The following JAKMIP3 variants were observed in gnomAD, a reference collection of about 807,000 sequenced individuals.
The protein encoded by JAKMIP3 is janus kinase and microtubule-interacting protein 3.
Under a neutral mutation model 118.5 loss-of-function variants are expected in JAKMIP3, and 58 were observed. The observed-to-expected ratio is 0.49, with a 90% CI of 0.40 to 0.61. The LOEUF is 0.61. JAKMIP3 is among the 20% of genes least tolerant of loss of function. The pLI, the probability that JAKMIP3 is intolerant of heterozygous loss-of-function variation, is 0.00. For synonymous variants in JAKMIP3, 486 were observed against 451.2 expected, an observed-to-expected ratio of 1.08 and a Z score of -0.98; for missense variants, 950 against 1,109.0, an observed-to-expected ratio of 0.86 and a Z score of 2.04.
upstream of JAKMIP3, among the ~76,000 whole-genome samples, chr10:132,063,569 G>T (rs1001027990): frequency 6.6e-6 from 1 of 152,192 alleles, no homozygotes; most frequent in African/African-American, 2.4e-5. Context: ...TGGAACGCCG[G>T]GTGTCAGCCC....
intron 19 of JAKMIP3, among the ~76,000 whole-genome samples, chr10:132,162,020 C>A (rs9419211): frequency 6.8e-6 from 1 of 147,298 alleles, no homozygotes; most frequent in East Asian, 1.9e-4. Context: ...CACACTCGCC[C>A]GGTTCTCTCC....
intron 16 of JAKMIP3, among the ~76,000 whole-genome samples, chr10:132,151,532 C>T (rs954755509): frequency 1.3e-5 from 2 of 152,200 alleles, no homozygotes; most frequent in Non-Finnish European, 2.9e-5. Flanking sequence ...GCAGGGTGGC[C>T]GTGGACCTGA....
At chr10:132,081,637 G>A (rs559930041) in intron 1 of JAKMIP3, among the ~76,000 whole-genome samples, 7 of 152,230 alleles carry the variant, frequency 4.6e-5, no homozygotes, top group East Asian at 1.9e-4. Context: ...TGCCTTCATC[G>A]TCACGGTTGC....
chr10:132,040,004 C>G (rs1405418131), intron 1 of JAKMIP3, among the ~76,000 whole-genome samples: 2 of 152,238 alleles, frequency 1.3e-5, no homozygotes, highest in African/African-American at 4.8e-5. Context: ...ACAATCAGTA[C>G]TCATAACTAA....
chr10:132,177,087 T>G (rs1288449238), intron 23 of JAKMIP3, among the ~76,000 whole-genome samples: 1 of 152,190 alleles, frequency 6.6e-6, no homozygotes, highest in Non-Finnish European at 1.5e-5. Flanking sequence ...CCCTCCCCGC[T>G]TTATTGCTCT....
At chr10:132,087,307 T>G (rs769146605) in intron 1 of JAKMIP3, among the ~76,000 whole-genome samples, 1 of 152,142 alleles carries the variant, frequency 6.6e-6, no homozygotes, top group Non-Finnish European at 1.5e-5. Flanking sequence ...TTCTCTGTCT[T>G]AACTTTAGAT....
At chr10:132,101,971 G>A (rs915930019) in intron 1 of JAKMIP3, among the ~76,000 whole-genome samples, 7 of 151,950 alleles carry the variant, frequency 4.6e-5, no homozygotes, top group East Asian at 2.0e-4. Context: ...TCTGGAGCCC[G>A]CAGGAGCCCA....
At chr10:132,109,977 G>A (rs951039516) in intron 2 of JAKMIP3, among the ~76,000 whole-genome samples, 8 of 152,168 alleles carry the variant, frequency 5.3e-5, no homozygotes, top group South Asian at 2.1e-4. Context: ...AAGTAATATC[G>A]TCATTACAAC....
At chr10:132,150,541 G>T (rs1007198355) in intron 16 of JAKMIP3, among the ~76,000 whole-genome samples, 2 of 152,046 alleles carry the variant, frequency 1.3e-5, no homozygotes, top group African/African-American at 4.8e-5. Context: ...CTAATCCTCT[G>T]CTCTCCATCC....
At chr10:132,051,292 G>T (rs1057004929) in intron 1 of JAKMIP3, among the ~76,000 whole-genome samples, 1 of 142,348 alleles carries the variant, frequency 7.0e-6, no homozygotes, top group Admixed American at 7.0e-5. Context: ...AATTCCAGCC[G>T]TTCTGGTTGG....
intron 20 of JAKMIP3, among the ~76,000 whole-genome samples, chr10:132,164,375 C>T (rs113687934): frequency 0.013 from 1,942 of 152,320 alleles, 32 homozygotes; most frequent in African/African-American, 0.043. Context: ...TCTGGGGGAC[C>T]GGGAATCCAT....
At position 132,148,594 on chromosome 10, in the gene JAKMIP3, C is replaced by T. The variant is rs1048609761; in HGVS notation, c.1848+544C>T. ...TGTCCAGGCCTCCGCCGTCGGCAGA[C>T]GTTTGTTTCTTGCCCCTGAGTGAGG... On this transcript the variant is annotated intron_variant, in intron 14 of 23. Transcript: ENST00000684848. 1.1e-4 allele frequency among the ~76,000 whole-genome samples: 16 copies of T among 152,316 alleles called. 1 individual carries two copies. In the South Asian group the frequency reaches 2.3e-3, roughly 22 times the overall value.
chr10:132,150,540 T>C (rs9419381), intron 16 of JAKMIP3, among the ~76,000 whole-genome samples: 111,575 of 152,090 alleles, frequency 0.73, 41,228 homozygotes, highest in East Asian at 0.93. Flanking sequence ...ACTAATCCTC[T>C]GCTCTCCATC....
At position 132,149,360 on chromosome 10, in the gene JAKMIP3, A is replaced by G. The variant is rs11814701; in HGVS notation, c.1849-52A>G. On this transcript the variant is annotated intron_variant, in intron 14 of 23. Coordinates refer to ENST00000684848, the MANE Select transcript of JAKMIP3 (RefSeq NM_001323087.2). ...CCTCAGGCCCCAGCACAGTCCTCTT[A>G]GAGGGAAGGGATGGGAGGGGAGCGG... The G allele has an allele frequency of 3.4e-4, 414 of 1,231,832 alleles. 2 individuals carry two copies. The African/African-American group carries it at 5.5e-3, about 16-fold the overall frequency. 76.3% of individuals were successfully genotyped at this position (1,231,832 alleles called of 1,614,324 possible).
chr10:132,130,865 C>T (rs971310096), intron 3 of JAKMIP3, among the ~76,000 whole-genome samples: 6 of 152,248 alleles, frequency 3.9e-5, no homozygotes, highest in African/African-American at 1.4e-4. Flanking sequence ...CCAGGCTCCA[C>T]CCTAGAGGTT....
intron 23 of JAKMIP3, among the ~76,000 whole-genome samples, chr10:132,180,760 CGTGT>C (rs1205299432): frequency 0.012 from 181 of 14,726 alleles, 43 homozygotes; most frequent in East Asian, 0.066. Context: ...CGCGTGTGTG[CGTGT>C]GTGTGCGTGT....
chr10:132,063,669 G>A (rs760133033), upstream of JAKMIP3, among the ~76,000 whole-genome samples: 4 of 152,202 alleles, frequency 2.6e-5, no homozygotes, highest in South Asian at 2.1e-4. Flanking sequence ...AGAACGGACC[G>A]TCTGCAAGGG....
intron 4 of JAKMIP3, among the ~76,000 whole-genome samples, chr10:132,133,969 T>C (rs1466781700): frequency 6.6e-6 from 1 of 152,204 alleles, no homozygotes; most frequent in African/African-American, 2.4e-5. Flanking sequence ...AGCTGGCCCC[T>C]CAAGGGTGAT....
chr10:132,145,289 C>G, intron 12 of JAKMIP3, 99 bp downstream of exon 12: 4 of 1,103,458 alleles, frequency 3.6e-6, no homozygotes, highest in Non-Finnish European at 5.3e-6. Context: ...TCATAACTTT[C>G]TACAGCCTTG....
Sources: gnomAD v4.1 joint callset for allele counts (sites outside exome capture counted in the v4.1 genomes callset) on GRCh38, gnomAD v4.1.1 for gene constraint, MANE v1.5 for transcripts, NCBI Gene and HGNC (gene_info 2026-07-23, HGNC 2026-07-21) for gene names.